The following ALPK2 variants were observed in gnomAD, a reference collection of about 807,000 sequenced individuals.
The protein encoded by ALPK2 is alpha kinase 2, also known as alpha-protein kinase 2.
ALPK2 carries 127 observed loss-of-function variants against 163.1 expected under a neutral mutation model. The ratio of observed to expected loss-of-function variants is 0.78; its 90% CI spans 0.67 to 0.90. The LOEUF is 0.90. Ranked by LOEUF, ALPK2 falls within the 40% of genes least tolerant of loss-of-function variation. The pLI is 0.00. For synonymous variants in ALPK2, 953 were observed against 959.1 expected (o/e 0.99, Z 0.12); for missense variants, 2,360 against 2,589.6 (o/e 0.91, Z 1.92).
intron 10 of ALPK2, among the ~76,000 whole-genome samples, chr18:58,505,332 C>T (rs1349987677): frequency 1.3e-5 from 2 of 152,060 alleles, no homozygotes; most frequent in Admixed American, 6.5e-5. Context: ...CTCCCCCAAC[C>T]GCACCCTCAG....
chr18:58,536,788 TG>T lies in ALPK2; in HGVS notation c.3398del (p.Thr1133LysfsTer76). The T allele has an allele frequency of 8.1e-6, 13 of 1,614,196 alleles. No homozygotes were observed. Among genetic ancestry groups the T allele is most frequent in the Non-Finnish European group, 1.1e-5 (13 of 1,180,028 alleles). On this transcript the variant is annotated frameshift_variant, in exon 5 of 13. Transcript: ENST00000361673. ...EENFQERGSE[T>X]KQGVQQQSLS... ...GGCTCTGCTGCTGGACCCCCTGCTT[TG>T]TTTCACTTCCTCTTTCTTGGAAATT...
chr18:58,519,819 G>T (rs78159276), intron 8 of ALPK2, among the ~76,000 whole-genome samples: 13,776 of 152,236 alleles, frequency 0.09, 687 homozygotes, highest in East Asian at 0.16. Context: ...TGAAAGGACA[G>T]CCTGTCCAAA....
chr18:58,582,566 A>G (rs924386748), intron 3 of ALPK2, among the ~76,000 whole-genome samples: 20 of 62,274 alleles, frequency 3.2e-4, no homozygotes, highest in Admixed American at 8.5e-4. Flanking sequence ...ATTGTTGGCG[A>G]AAAAAAAAAA....
rs554431638 is a variant in ALPK2 at position 58,609,626 on chromosome 18, A to C, written c.109+2063T>G. ...TGTTTTTTTCCCCTGTGCAGTATAG[A>C]TCTGAACAATCAGCCAGAAATGAGA... On this transcript the variant is annotated intron_variant, in intron 2 of 12. Coordinates refer to ENST00000361673, the MANE Select transcript of ALPK2 (RefSeq NM_052947.4). 8.5e-5 allele frequency among the ~76,000 whole-genome samples: 13 copies of C among 152,260 alleles called. No individual in the cohort carries two copies. The South Asian group carries it at 1.0e-3, about 12-fold the overall frequency.
rs368653075 is a variant in ALPK2 at position 58,580,258 on chromosome 18, G to A, written c.518C>T (p.Ser173Phe). 1.2e-6 allele frequency: 2 copies of A among 1,614,098 alleles called. No individual in the cohort carries two copies. The highest frequency in any genetic ancestry group is 1.3e-5 in the African/African-American group (1 of 74,930). ...GTCAAGATTGCCCAATGACTGGAGG[G>A]AGAGTGAATGGTTGGATTTGGAGGG... ...SSPSKSNHSL[S>F]LQSLGNLDIS... The change falls in exon 4 of 13, where the codon TCC becomes TTC. Residue 173 changes from serine (S) to phenylalanine (F), a missense_variant. Physicochemically the swap from Ser to Phe is radical, Grantham distance 155 (BLOSUM62 -2). Coordinates refer to ENST00000361673, the MANE Select transcript of ALPK2 (RefSeq NM_052947.4).
At chr18:58,531,514 A>G (rs907381676) in intron 5 of ALPK2, among the ~76,000 whole-genome samples, 1 of 152,158 alleles carries the variant, frequency 6.6e-6, no homozygotes, top group East Asian at 1.9e-4. Context: ...GTTATTTTTA[A>G]GCAATGAAAT....
chr18:58,503,866 T>A, intron 11 of ALPK2, 65 bp downstream of exon 11: 1 of 1,465,168 alleles, frequency 6.8e-7, no homozygotes, highest in Non-Finnish European at 9.4e-7. Context: ...CCCCTCCCTC[T>A]CCACCCACAG....
At chr18:58,597,578 C>T (rs1269814501) in intron 3 of ALPK2, among the ~76,000 whole-genome samples, 1 of 152,182 alleles carries the variant, frequency 6.6e-6, no homozygotes, top group Non-Finnish European at 1.5e-5. Flanking sequence ...AGCTGAGTAT[C>T]TACTTATGAT....
At chr18:58,501,225 G>A (rs2051429898) in intron 11 of ALPK2, among the ~76,000 whole-genome samples, 1 of 152,222 alleles carries the variant, frequency 6.6e-6, no homozygotes, top group African/African-American at 2.4e-5. Flanking sequence ...TTGTTTACTA[G>A]TACCTGGAAG....
rs911347351 is a variant in ALPK2 at position 58,543,501 on chromosome 18, T to G, written c.1963-5277A>C. On this transcript the variant is annotated intron_variant, in intron 4 of 12. Coordinates refer to ENST00000361673, the MANE Select transcript of ALPK2 (RefSeq NM_052947.4). The stretch of plus-strand genomic sequence containing the variant: ...CAAAGAGAGAGGGCAGCAGAAAGGG[T>G]ATCACTACACTAAGGCTACAAGGTT... The G allele has an allele frequency of 7.1e-6, 4 of 562,402 alleles. No individual in the cohort carries two copies. The African/African-American group carries it at 8.2e-5, about 12-fold the overall frequency. 34.8% of individuals were successfully genotyped at this position (562,402 alleles called of 1,614,324 possible). A position where few individuals can be genotyped will look rare whatever the true frequency, so the allele number is the denominator to read the frequency against.
At chr18:58,493,294 C>G (rs1347549337) in intron 12 of ALPK2, among the ~76,000 whole-genome samples, 1 of 152,092 alleles carries the variant, frequency 6.6e-6, no homozygotes, top group East Asian at 1.9e-4. Flanking sequence ...TTCCAATGTC[C>G]CTTTGTTTCC....
At chr18:58,593,371 C>G (rs9952695) in intron 3 of ALPK2, among the ~76,000 whole-genome samples, 2,735 of 151,384 alleles carry the variant, frequency 0.018, 46 homozygotes, top group East Asian at 0.089. Flanking sequence ...CAAGACCAGC[C>G]TGGCCAACAT....
chr18:58,564,699 A>G (rs2051842666), intron 4 of ALPK2, among the ~76,000 whole-genome samples: 1 of 152,094 alleles, frequency 6.6e-6, no homozygotes, highest in Non-Finnish European at 1.5e-5. Flanking sequence ...AAATTAACAG[A>G]TCTTCATGTT....
chr18:58,510,173 T>C (rs1351370057), intron 10 of ALPK2, among the ~76,000 whole-genome samples: 1 of 152,218 alleles, frequency 6.6e-6, no homozygotes, highest in Non-Finnish European at 1.5e-5. Flanking sequence ...TTTGTGAGGT[T>C]TGTCAACGAT....
intron 4 of ALPK2, 72 bp downstream of exon 4, chr18:58,578,742 A>AAGCGCGCACGCGCGCGCG: frequency 8.1e-7 from 1 of 1,232,036 alleles, no homozygotes; most frequent in Non-Finnish European, 1.1e-6. Context: ...AGACACACAC[A>AAGCGCGCACGCGCGCGCG]CACACACACA....
chr18:58,583,041 C>A (rs916341390), intron 3 of ALPK2, among the ~76,000 whole-genome samples: 1 of 152,106 alleles, frequency 6.6e-6, no homozygotes, highest in Non-Finnish European at 1.5e-5. Context: ...TCTCCTGAAT[C>A]GGGAAAAGAC....
intron 1 of ALPK2, among the ~76,000 whole-genome samples, chr18:58,622,037 A>AT: frequency 6.6e-6 from 1 of 150,966 alleles, no homozygotes. Context: ...AAAAAAAAAA[A>AT]GCTCAAGGTT....
intron 6 of ALPK2, among the ~76,000 whole-genome samples, chr18:58,525,313 T>A (rs2051578704): frequency 6.6e-6 from 1 of 152,214 alleles, no homozygotes; most frequent in African/African-American, 2.4e-5. Flanking sequence ...TAAAACTGGA[T>A]GTGAACAAGT....
At chr18:58,550,732 C>T (rs2051754168) in intron 4 of ALPK2, among the ~76,000 whole-genome samples, 1 of 151,654 alleles carries the variant, frequency 6.6e-6, no homozygotes, top group Non-Finnish European at 1.5e-5. Flanking sequence ...CAACCCCATC[C>T]CCACCTCCAT....
Sources: allele counts gnomAD v4.1 joint callset (sites outside exome capture counted in the v4.1 genomes callset), GRCh38; gene constraint gnomAD v4.1.1; transcripts MANE v1.5; gene names NCBI Gene and HGNC (gene_info 2026-07-23, HGNC 2026-07-21).